Variants in NINJ1 observed in about 807,000 individuals in gnomAD.
The protein encoded by NINJ1 is ninjurin-1.
A neutral mutation model predicts 12.7 loss-of-function variants in NINJ1; 6 were observed. That is an observed-to-expected ratio of 0.47 (90% CI 0.26 to 0.93). NINJ1 has a LOEUF of 0.93. Ranked by LOEUF, NINJ1 falls within the 40% of genes least tolerant of loss-of-function variation. The probability of loss-of-function intolerance (pLI) is 0.15; values close to 1 mark genes in which losing one functional copy is unlikely to be tolerated. For missense variants in NINJ1, 170 were observed against 213.0 expected (o/e 0.80, Z 1.26); for synonymous variants, 100 against 96.0 (o/e 1.04, Z -0.25).
chr9:93,127,885 A>T (rs1461809299), intron 1 of NINJ1, among the ~76,000 whole-genome samples: 1 of 152,256 alleles, frequency 6.6e-6, no homozygotes, highest in Non-Finnish European at 1.5e-5. Context: ...AGGGGCGGAC[A>T]TGGTATCCAT....
At position 93,129,810 on chromosome 9, in the gene NINJ1, T is replaced by C. The variant is rs533372238; in HGVS notation, c.76-3172A>G. Reference sequence around the variant, plus strand: ...GCAGCAGGCCACATTGGGAGCATCATGTGGAGGGGAGGGCAGCAGGGACAG... The same window carrying C: ...GCAGCAGGCCACATTGGGAGCATCACGTGGAGGGGAGGGCAGCAGGGACAG... On this transcript the variant is annotated intron_variant, in intron 1 of 3. Coordinates refer to ENST00000375446, the MANE Select transcript of NINJ1 (RefSeq NM_004148.4). Among the ~76,000 whole-genome samples the C allele has an allele frequency of 7.9e-5, 12 of 152,268 alleles. No individual in the cohort carries two copies. In the South Asian group the frequency reaches 2.5e-3, roughly 32 times the overall value.
chr9:93,130,626 A>AGGATGTGG (rs1564220601), intron 1 of NINJ1, among the ~76,000 whole-genome samples: 1 of 152,184 alleles, frequency 6.6e-6, no homozygotes, highest in South Asian at 2.1e-4. Context: ...TGGGTAGACA[A>AGGATGTGG]GGATGTGGAG....
chr9:93,124,344 A>G (rs1219411838), intron 3 of NINJ1, among the ~76,000 whole-genome samples: 1 of 152,138 alleles, frequency 6.6e-6, no homozygotes, highest in Non-Finnish European at 1.5e-5. Context: ...GTACGATCTT[A>G]GCTCACTGCA....
intron 1 of NINJ1, among the ~76,000 whole-genome samples, chr9:93,128,142 G>A (rs1827839560): frequency 2.0e-5 from 3 of 152,206 alleles, no homozygotes; most frequent in Non-Finnish European, 4.4e-5. Context: ...GTGGACACAT[G>A]TGCGCACAGG....
In NINJ1 at chr9:93,126,502, C is replaced by A; in HGVS notation, c.212G>T (p.Gly71Val). 6.2e-7 allele frequency: 1 copy of A among 1,614,178 alleles called. No individual in the cohort carries two copies. Among genetic ancestry groups the A allele is most frequent in the South Asian group, 1.1e-5 (1 of 91,088 alleles). Residue 71 changes from glycine to valine, a missense_variant, in exon 2 of 4, where the codon GGC (glycine) becomes GTC (valine). Physicochemically the swap from Gly to Val is moderately radical, Grantham distance 109. Coordinates refer to ENST00000375446, the MANE Select transcript of NINJ1 (RefSeq NM_004148.4). ...GGGCACATAGAAGGCGAAGCTGGGG[C>A]CCTGTTCCACGACGGCCTTCAGCTG... is the stretch of plus-strand genomic sequence containing the variant. The part of the protein sequence containing the change: ...ASQLKAVVEQ[G>V]PSFAFYVPLV...
In NINJ1 at chr9:93,124,811, G is replaced by A. The variant is rs575637026; in HGVS notation, c.*9+88C>T. ...ATGGCCTAGGAAGGTGTCCAAGGCTGGCCGGCCAGGGACTCACCACACTGC... is the reference window on the plus strand; with the variant it reads ...ATGGCCTAGGAAGGTGTCCAAGGCTAGCCGGCCAGGGACTCACCACACTGC... On this transcript the variant is annotated intron_variant, in intron 3 of 3. Transcript: ENST00000375446. The A allele has an allele frequency of 6.3e-6, 9 of 1,418,100 alleles. No individual in the cohort carries two copies. In the Middle Eastern group the frequency reaches 5.9e-4, roughly 93 times the overall value. 87.8% of individuals were successfully genotyped at this position (1,418,100 alleles called of 1,614,324 possible).
intron 3 of NINJ1, 141 bp downstream of exon 3, chr9:93,124,758 G>T: frequency 1.1e-6 from 1 of 869,576 alleles, no homozygotes; most frequent in Non-Finnish European, 1.7e-6. Context: ...GCCAGGCATT[G>T]GCCTTGTAGG....
intron 1 of NINJ1, among the ~76,000 whole-genome samples, chr9:93,128,057 T>C (rs1827838452): frequency 6.6e-6 from 1 of 152,234 alleles, no homozygotes; most frequent in Non-Finnish European, 1.5e-5. Flanking sequence ...TGGTGGGCTC[T>C]GCTGCTTACA....
intron 1 of NINJ1, among the ~76,000 whole-genome samples, chr9:93,133,901 G>C (rs989204913): frequency 6.6e-6 from 1 of 152,156 alleles, no homozygotes; most frequent in Non-Finnish European, 1.5e-5. Flanking sequence ...GCTTAGTGGG[G>C]CTGGGGACGC....
rs146184451 is a variant in NINJ1 at position 93,128,493 on chromosome 9, G to A, written c.76-1855C>T. Among the ~76,000 whole-genome samples the A allele has an allele frequency of 4.7e-3, 722 of 152,330 alleles. 6 individuals are homozygous for A. The highest frequency in any genetic ancestry group is 0.016 in the African/African-American group (669 of 41,576). The stretch of plus-strand genomic sequence containing the variant: ...CCCAGGGTCTGGGTGAGGACAGCCC[G>A]GACACAAGGGCCTGTGCCTGGCACT... On this transcript the variant is annotated intron_variant, in intron 1 of 3. Transcript: ENST00000375446.
At chr9:93,126,386 G>A in intron 2 of NINJ1, 24 bp downstream of exon 2, 1 of 1,594,722 alleles carries the variant, frequency 6.3e-7, no homozygotes, top group Non-Finnish European at 8.6e-7. Flanking sequence ...CAGGTGGCCT[G>A]GCTGCCCCCA....
At position 93,124,956 on chromosome 9, in the gene NINJ1, C is replaced by T. The variant is rs376766676; in HGVS notation, c.411G>A (p.Thr137=). The T allele has an allele frequency of 6.2e-5, 100 of 1,613,966 alleles. No individual in the cohort carries two copies. Among genetic ancestry groups the T allele is most frequent in the East Asian group, 4.9e-4 (22 of 44,878 alleles). The change falls in exon 3 of 4, where the codon ACG becomes ACA. Residue 137 remains threonine, a synonymous_variant. Coordinates refer to ENST00000375446, the MANE Select transcript of NINJ1 (RefSeq NM_004148.4). ...FIIVVVNIFI[T]AFGVQKPLMD... is the part of the protein sequence containing the mutation. ...TCAAGGGCTTCTGGACCCCGAAGGC[C>T]GTGATGAAGATGTTGACTACCACGA...
At chr9:93,133,354 G>C (rs186668691) in intron 1 of NINJ1, among the ~76,000 whole-genome samples, 1 of 152,232 alleles carries the variant, frequency 6.6e-6, no homozygotes, top group African/African-American at 2.4e-5. Flanking sequence ...CATCCCTGAG[G>C]GGGTTAGAAA....
At chr9:93,134,070 T>G (rs1467843372) in intron 1 of NINJ1, 73 bp downstream of exon 1, 4 of 1,222,200 alleles carry the variant, frequency 3.3e-6, no homozygotes, top group Non-Finnish European at 1.1e-6. Context: ...CGCACACAGG[T>G]GCCCGGGGAG....
At chr9:93,131,906 CTG>C in intron 1 of NINJ1, among the ~76,000 whole-genome samples, 1 of 152,210 alleles carries the variant, frequency 6.6e-6, no homozygotes, top group Non-Finnish European at 1.5e-5. Context: ...GAAAAGGAAA[CTG>C]AGACTCTCCA....
intron 2 of NINJ1, 31 bp downstream of exon 2, chr9:93,126,379 G>GC (rs1827809039): frequency 6.3e-7 from 1 of 1,584,444 alleles, no homozygotes; most frequent in Middle Eastern, 1.7e-4. Flanking sequence ...AGGTGAGCAG[G>GC]TGGCCTGGCT....
intron 1 of NINJ1, among the ~76,000 whole-genome samples, chr9:93,129,933 C>A (rs756318838): frequency 6.6e-6 from 1 of 152,212 alleles, no homozygotes; most frequent in African/African-American, 2.4e-5. Flanking sequence ...CACTCTCCCC[C>A]AGTCCTGGGC....
rs144496997 is a variant in NINJ1 at position 93,130,146 on chromosome 9, G to A, written c.76-3508C>T. ...AACCTCAGCAGCACTCGGGGCCTGGGGCCAGGCCAGATATATTTCCTCTGA... is the reference window on the plus strand; with the variant it reads ...AACCTCAGCAGCACTCGGGGCCTGGAGCCAGGCCAGATATATTTCCTCTGA... On this transcript the variant is annotated intron_variant, in intron 1 of 3. Transcript: ENST00000375446. 1.4e-3 allele frequency among the ~76,000 whole-genome samples: 208 copies of A among 152,326 alleles called. 2 individuals are homozygous for A. Among genetic ancestry groups the A allele is most frequent in the South Asian group, 0.012 (56 of 4,826 alleles).
chr9:93,133,525 G>A (rs1289882079), intron 1 of NINJ1, among the ~76,000 whole-genome samples: 1 of 152,256 alleles, frequency 6.6e-6, no homozygotes, highest in African/African-American at 2.4e-5. Flanking sequence ...AGGCCGGGCA[G>A]GGCAAGTTCT....
Sources: gnomAD v4.1 joint callset for allele counts (sites outside exome capture counted in the v4.1 genomes callset) on GRCh38, gnomAD v4.1.1 for gene constraint, MANE v1.5 for transcripts, NCBI Gene and HGNC (gene_info 2026-07-23, HGNC 2026-07-21) for gene names.